Variants in PPP2R2B observed in about 807,000 individuals in gnomAD.
PPP2R2B encodes the protein serine/threonine-protein phosphatase 2A 55 kDa regulatory subunit B beta isoform.
Under a neutral mutation model 46.0 loss-of-function variants are expected in PPP2R2B, and 5 were observed. The ratio of observed to expected loss-of-function variants is 0.11; its 90% CI spans 0.06 to 0.23. The LOEUF (loss-of-function observed/expected upper bound fraction) is 0.23, where lower values mean the gene tolerates loss of function less well. PPP2R2B is among the 10% of genes least tolerant of loss of function. The pLI, the probability that PPP2R2B is intolerant of heterozygous loss-of-function variation, is 1.00. For missense variants in PPP2R2B, 367 were observed against 575.0 expected (o/e 0.64, Z 3.70); for synonymous variants, 215 against 206.7 (o/e 1.04, Z -0.34).
rs1156911493 is a variant in PPP2R2B, at chr5:146,586,466, G to C, written c.*3481C>G. 6.6e-6 allele frequency: 1 copy of C among 152,150 alleles called. No individual in the cohort carries two copies. 9.4% of individuals were successfully genotyped at this position (152,150 alleles called of 1,614,324 possible). A position where few individuals can be genotyped will look rare whatever the true frequency, so the allele number is the denominator to read the frequency against. ...AGGCAGTTGCTCTGTAGGCTTGAAG[G>C]GAGGGAAATTATGGCTTTTCAAGTC... On this transcript the variant is annotated 3_prime_UTR_variant, in exon 10 of 10. Transcript: ENST00000394411.
chr5:146,938,858 G>C (rs1309018192), intron 1 of PPP2R2B, among the ~76,000 whole-genome samples: 1 of 134,596 alleles, frequency 7.4e-6, no homozygotes, highest in Non-Finnish European at 1.5e-5. Context: ...TCAGCTCACT[G>C]CAACCTCCAC....
rs557772298 is a variant in PPP2R2B at position 146,810,847 on chromosome 5, A to G, written c.70+67155T>C. Among the ~76,000 whole-genome samples, 122 of 151,056 alleles carry G rather than the reference A, an allele frequency of 8.1e-4. 1 individual carries two copies. Among genetic ancestry groups the G allele is most frequent in the East Asian group, 6.5e-3 (33 of 5,086 alleles). On this transcript the variant is annotated intron_variant, in intron 2 of 9. Transcript: ENST00000394411. ...CATTAACTAGTCATTTACATTAGGT[A>G]TATCTCCTAATGCTATCCGTCCCCC...
intron 2 of PPP2R2B, among the ~76,000 whole-genome samples, chr5:146,866,013 A>G (rs319228): frequency 0.22 from 33,366 of 152,146 alleles, 4,899 homozygotes; most frequent in African/African-American, 0.39. Flanking sequence ...TCAGCAAATG[A>G]TGGTCTACAG....
At chr5:146,755,057 T>A (rs1455804440) in intron 2 of PPP2R2B, among the ~76,000 whole-genome samples, 2 of 152,164 alleles carry the variant, frequency 1.3e-5, no homozygotes, top group Admixed American at 1.3e-4. Context: ...TATATAAACA[T>A]AAATTTTTAA....
At chr5:147,007,518 G>A (rs1336503263) in intron 1 of PPP2R2B, among the ~76,000 whole-genome samples, 1 of 152,106 alleles carries the variant, frequency 6.6e-6, no homozygotes, top group Non-Finnish European at 1.5e-5. Context: ...CCAAATAAGG[G>A]AATAAAAGCT....
intron 2 of PPP2R2B, among the ~76,000 whole-genome samples, chr5:146,775,140 T>G (rs1166786540): frequency 6.6e-6 from 1 of 152,130 alleles, no homozygotes; most frequent in Non-Finnish European, 1.5e-5. Context: ...CTTAATTACT[T>G]TATGAGACCA....
At chr5:146,700,454 GA>G (rs1489685483) in intron 3 of PPP2R2B, among the ~76,000 whole-genome samples, 1 of 152,098 alleles carries the variant, frequency 6.6e-6, no homozygotes, top group Non-Finnish European at 1.5e-5. Context: ...AGAGTTACTG[GA>G]AGTTAGAACT....
intron 5 of PPP2R2B, among the ~76,000 whole-genome samples, chr5:146,652,975 C>T (rs1051962157): frequency 2.0e-5 from 3 of 152,036 alleles, no homozygotes; most frequent in Non-Finnish European, 4.4e-5. Context: ...TAAGGCATTG[C>T]GATGGATAAA....
At chr5:146,706,898 G>T (rs1010076555) in intron 2 of PPP2R2B, 1 of 1,276,496 alleles carries the variant, frequency 7.8e-7, no homozygotes, top group African/African-American at 1.5e-5. Flanking sequence ...AGACGTGTCC[G>T]AGATCTGGGA....
chr5:146,740,252 C>T (rs1752785776), intron 2 of PPP2R2B, among the ~76,000 whole-genome samples: 1 of 152,154 alleles, frequency 6.6e-6, no homozygotes, highest in Non-Finnish European at 1.5e-5. Flanking sequence ...TAAAAGAGAA[C>T]AGCTCTGTGG....
At chr5:146,812,961 T>C (rs575681604) in intron 2 of PPP2R2B, among the ~76,000 whole-genome samples, 39 of 149,276 alleles carry the variant, frequency 2.6e-4, no homozygotes, top group Non-Finnish European at 3.3e-4. Context: ...GAGGGAATTA[T>C]GGGAGCTACA....
intron 1 of PPP2R2B, among the ~76,000 whole-genome samples, chr5:146,948,091 T>A (rs1301027539): frequency 6.6e-6 from 1 of 151,960 alleles, no homozygotes; most frequent in Non-Finnish European, 1.5e-5. Context: ...GTTCATATAA[T>A]CGTTTCCCTT....
intron 1 of PPP2R2B, among the ~76,000 whole-genome samples, chr5:146,945,219 C>T (rs1764443302): frequency 1.3e-5 from 2 of 152,088 alleles, no homozygotes; most frequent in South Asian, 4.1e-4. Context: ...CAACTATTAC[C>T]AAACAGGGTA....
intron 2 of PPP2R2B, among the ~76,000 whole-genome samples, chr5:146,826,897 TA>T (rs1758615333): frequency 6.6e-6 from 1 of 152,226 alleles, no homozygotes; most frequent in African/African-American, 2.4e-5. Context: ...ATCTGTTTTT[TA>T]CCTTGCTATC....
Position 146,887,874 on chromosome 5 carries a change from TG to T in PPP2R2B, c.79+167790del, listed in dbSNP as rs1353507635. 2.0e-5 allele frequency among the ~76,000 whole-genome samples: 3 copies of T among 152,356 alleles called. No individual in the cohort carries two copies. The East Asian group carries it at 5.8e-4, about 29-fold the overall frequency. On this transcript the variant is annotated intron_variant, in intron 1 of 8. Transcript: ENST00000336640. ...GAGAACCATTAGTAGTCTTTTAGAT[TG>T]TACTGGAGAGTAGAATGTTGTGGTC...
chr5:147,047,751 C>T (rs1452006476), intron 1 of PPP2R2B, among the ~76,000 whole-genome samples: 3 of 152,138 alleles, frequency 2.0e-5, no homozygotes, highest in East Asian at 3.9e-4. Flanking sequence ...TTCACAGCTA[C>T]CTTGAAGCAA....
intron 7 of PPP2R2B, among the ~76,000 whole-genome samples, chr5:146,602,814 A>C (rs1309401571): frequency 6.6e-6 from 1 of 152,248 alleles, no homozygotes; most frequent in Non-Finnish European, 1.5e-5. Flanking sequence ...CCAATGTCTT[A>C]GTCTCTGCCC....
chr5:146,910,482 A>C (rs1415366381), intron 1 of PPP2R2B, among the ~76,000 whole-genome samples: 1 of 152,162 alleles, frequency 6.6e-6, no homozygotes, highest in Non-Finnish European at 1.5e-5. Context: ...TTTATCCTTA[A>C]ATTTTGTGCC....
chr5:146,696,790 A>AT (rs567047255), intron 4 of PPP2R2B, among the ~76,000 whole-genome samples: 13 of 152,296 alleles, frequency 8.5e-5, no homozygotes, highest in South Asian at 8.3e-4. Flanking sequence ...CCGAATTGTC[A>AT]TTTTTTTAGA....
Sources: allele counts gnomAD v4.1 joint callset (sites outside exome capture counted in the v4.1 genomes callset), GRCh38; gene constraint gnomAD v4.1.1; transcripts MANE v1.5; gene names NCBI Gene and HGNC (gene_info 2026-07-23, HGNC 2026-07-21).